The following IL4R variants were observed in gnomAD, a reference collection of about 807,000 sequenced individuals.
IL4R encodes the protein interleukin-4 receptor subunit alpha.
IL4R carries 17 observed loss-of-function variants against 41.5 expected under a neutral mutation model. The observed-to-expected ratio is 0.41, with a 90% CI of 0.28 to 0.61. The LOEUF (loss-of-function observed/expected upper bound fraction) is 0.61. IL4R is among the 20% of genes least tolerant of loss of function. The probability of loss-of-function intolerance (pLI) is 0.31; values close to 1 mark genes in which losing one functional copy is unlikely to be tolerated. For synonymous variants in IL4R, 402 were observed against 422.9 expected, an observed-to-expected ratio of 0.95 and a Z score of 0.61; for missense variants, 974 against 1,043.1, an observed-to-expected ratio of 0.93 and a Z score of 0.91.
At chr16:27,314,378 A>T (rs1034469125) in intron 1 of IL4R, 1 of 152,516 alleles carries the variant, frequency 6.6e-6, no homozygotes. Context: ...CCCTGCGCTC[A>T]GGAAGTCAGT....
intron 1 of IL4R, among the ~76,000 whole-genome samples, chr16:27,327,451 TCTC>T (rs1673581158): frequency 6.6e-6 from 1 of 152,160 alleles, no homozygotes; most frequent in Admixed American, 6.6e-5. Flanking sequence ...TCAAGTGTGT[TCTC>T]CTGGTGGCGG....
Position 27,364,541 on chromosome 16 carries a change from A to T in IL4R, c.*711A>T, listed in dbSNP as rs1487296002. The T allele has an allele frequency of 6.6e-6, 1 of 152,152 alleles. No individual in the cohort carries two copies. The highest frequency in any genetic ancestry group is 6.5e-5 in the Admixed American group (1 of 15,278). The allele number at this position is 152,152 out of a possible 1,614,324, so 9.4% of individuals were successfully genotyped here. On this transcript the variant is annotated 3_prime_UTR_variant, in exon 11 of 11. Coordinates refer to ENST00000395762, the MANE Select transcript of IL4R (RefSeq NM_000418.4). ...GGCTGGGGGCTCCTCGTATGCATGG[A>T]ACCCCCAGAATAAATATGCTCAGCC...
chr16:27,335,042 G>C (rs746211510), intron 2 of IL4R, among the ~76,000 whole-genome samples: 5 of 152,086 alleles, frequency 3.3e-5, no homozygotes, highest in African/African-American at 1.2e-4. Flanking sequence ...CTGGCACTTC[G>C]TGAGGAGCAG....
At chr16:27,330,457 C>A (rs561190672) in intron 2 of IL4R, among the ~76,000 whole-genome samples, 1 of 151,976 alleles carries the variant, frequency 6.6e-6, no homozygotes, top group Admixed American at 6.6e-5. Flanking sequence ...CTGTTCCCCC[C>A]GAGGGCAAGA....
chr16:27,360,406 G>A (rs1054323875), intron 9 of IL4R, among the ~76,000 whole-genome samples: 1 of 152,212 alleles, frequency 6.6e-6, no homozygotes, highest in African/African-American at 2.4e-5. Context: ...TTACAGAGTG[G>A]CTCAGTTTTC....
chr16:27,329,291 CTT>C, intron 1 of IL4R, among the ~76,000 whole-genome samples: 1 of 152,244 alleles, frequency 6.6e-6, no homozygotes, highest in East Asian at 1.9e-4. Flanking sequence ...AATTAAACCT[CTT>C]TTCTTTGTAA....
In IL4R at chr16:27,318,358, A is replaced by G. The variant is rs185157510; in HGVS notation, c.-152+4338A>G. ...AGAGAACATGGACCTGCAATATCCTATCAGGTGGAGACTGTGCTAGGAAGG... is the reference window on the plus strand; with the variant it reads ...AGAGAACATGGACCTGCAATATCCTGTCAGGTGGAGACTGTGCTAGGAAGG... On this transcript the variant is annotated intron_variant, in intron 1 of 10. Coordinates refer to ENST00000395762, the MANE Select transcript of IL4R (RefSeq NM_000418.4). Among the ~76,000 whole-genome samples, 570 of 152,298 alleles carry G rather than the reference A, an allele frequency of 3.7e-3. 4 individuals are homozygous for G. Among genetic ancestry groups the G allele is most frequent in the Non-Finnish European group, 4.7e-3 (320 of 68,030 alleles).
chr16:27,351,526 TTTTC>T lies in IL4R; in HGVS notation c.514-1013_514-1010del, dbSNP rs1369168816. Among the ~76,000 whole-genome samples, 246 of 123,118 alleles carry T rather than the reference TTTTC, an allele frequency of 2.0e-3. 1 individual carries two copies. Among genetic ancestry groups the T allele is most frequent in the Non-Finnish European group, 2.4e-3 (134 of 54,762 alleles). The allele number at this position is 123,118 out of a possible 152,430, so 80.8% of individuals were successfully genotyped here. ...TCTCTCTCTCTTTTTTTTTTTTTTT[TTTTC>T]CGAGACGAAGTCGTCACTCTGTCAC... On this transcript the variant is annotated intron_variant, in intron 6 of 10. Transcript: ENST00000395762.
intron 9 of IL4R, 49 bp downstream of exon 9, chr16:27,359,043 G>A: frequency 2.8e-6 from 4 of 1,431,240 alleles, no homozygotes; most frequent in Non-Finnish European, 2.9e-6. Context: ...ACATGAAGAA[G>A]TGTGGTTCAG....
rs961664922 is a variant in IL4R, at chr16:27,340,133, G to A, written c.-18-53G>A. On this transcript the variant is annotated intron_variant, in intron 2 of 10. Coordinates refer to ENST00000395762, the MANE Select transcript of IL4R (RefSeq NM_000418.4). Reference sequence around the variant, plus strand: ...GGGAGGGTTGCATATTGAATAAGATGAGCTCTGCTGGAAGCACAGGTCAGC... The same window carrying A: ...GGGAGGGTTGCATATTGAATAAGATAAGCTCTGCTGGAAGCACAGGTCAGC... 4.3e-6 allele frequency: 5 copies of A among 1,176,016 alleles called. No homozygotes were observed. The African/African-American group carries it at 7.5e-5, about 18-fold the overall frequency. The allele number at this position is 1,176,016 out of a possible 1,614,324, so 72.8% of individuals were successfully genotyped here.
At chr16:27,334,603 T>C (rs888886033) in intron 2 of IL4R, among the ~76,000 whole-genome samples, 1 of 152,126 alleles carries the variant, frequency 6.6e-6, no homozygotes, top group Non-Finnish European at 1.5e-5. Context: ...TTATTCATAA[T>C]TGAGGCTAAA....
chr16:27,322,829 A>C (rs2084853423), intron 1 of IL4R, among the ~76,000 whole-genome samples: 1 of 152,326 alleles, frequency 6.6e-6, no homozygotes, highest in African/African-American at 2.4e-5. Flanking sequence ...AGATGAGTTA[A>C]AAACAACAGC....
intron 1 of IL4R, among the ~76,000 whole-genome samples, chr16:27,324,254 C>T (rs754641083): frequency 8.6e-5 from 12 of 139,828 alleles, no homozygotes; most frequent in Non-Finnish European, 1.4e-4. Context: ...ATAACCAGCT[C>T]TCTGGAGGTC....
chr16:27,329,225 G>T (rs1166728244), intron 1 of IL4R, among the ~76,000 whole-genome samples: 1 of 152,044 alleles, frequency 6.6e-6, no homozygotes, highest in Non-Finnish European at 1.5e-5. Flanking sequence ...GGCCTCCCCA[G>T]AAGCCAAGTA....
In IL4R at chr16:27,330,578, G is replaced by T. The variant is rs181298816; in HGVS notation, c.-19+380G>T. On this transcript the variant is annotated intron_variant, in intron 2 of 10. Coordinates refer to ENST00000395762, the MANE Select transcript of IL4R (RefSeq NM_000418.4). The stretch of plus-strand genomic sequence containing the variant: ...TGTACTCATTTTTGTGTTTGCGTAC[G>T]CATGTGTGGTTTAGTGCTATGCAAT... 1.3e-5 allele frequency among the ~76,000 whole-genome samples: 2 copies of T among 151,960 alleles called. 1 individual carries two copies. Among genetic ancestry groups the T allele is most frequent in the Non-Finnish European group, 2.9e-5 (2 of 67,968 alleles).
chr16:27,345,847 CTGT>C lies in IL4R; in HGVS notation c.362-619_362-617del, dbSNP rs1190816288. On this transcript the variant is annotated intron_variant, in intron 5 of 10. Coordinates refer to ENST00000395762, the MANE Select transcript of IL4R (RefSeq NM_000418.4). The surrounding 1 kb of genome is among the most constrained non-coding windows in gnomAD (Gnocchi z 4.5). ...ATTAGTCTGGCATGGTGGCAGGCGC[CTGT>C]AATCCCAGCTACTTGGGAGGCTGAG... Among the ~76,000 whole-genome samples the C allele has an allele frequency of 2.0e-5, 3 of 152,152 alleles. No homozygotes were observed. The highest frequency in any genetic ancestry group is 2.9e-5 in the Non-Finnish European group (2 of 68,034).
intron 8 of IL4R, 82 bp from the exon 9 acceptor site, chr16:27,358,834 T>G (rs1173332182): frequency 1.0e-6 from 1 of 992,328 alleles, no homozygotes; most frequent in Non-Finnish European, 1.6e-6. Flanking sequence ...AAATAAGTAT[T>G]GGTGATAACG....
intron 7 of IL4R, 88 bp downstream of exon 7, chr16:27,352,784 C>T: frequency 3.7e-6 from 5 of 1,359,048 alleles, no homozygotes; most frequent in Non-Finnish European, 5.1e-6. Context: ...AGTCTCTGGG[C>T]TTTTATATCA....
At chr16:27,320,081 G>A (rs2084767766) in intron 1 of IL4R, among the ~76,000 whole-genome samples, 1 of 152,084 alleles carries the variant, frequency 6.6e-6, no homozygotes, top group African/African-American at 2.4e-5. Flanking sequence ...TGGCCAGGCT[G>A]GTGTCGAACT....
Sources: gnomAD v4.1 joint callset for allele counts (sites outside exome capture counted in the v4.1 genomes callset) on GRCh38, gnomAD v4.1.1 for gene constraint, Gnocchi (gnomAD v3.1) non-coding constraint, MANE v1.5 for transcripts, NCBI Gene and HGNC (gene_info 2026-07-23, HGNC 2026-07-21) for gene names.